NAV3: variants seen among roughly 807,000 people sequenced by gnomAD.
The protein encoded by NAV3 is neuron navigator 3.
In NAV3, 87 loss-of-function variants were observed where a neutral mutation model predicts 244.7. The observed-to-expected ratio is 0.36, with a 90% CI of 0.30 to 0.42. The LOEUF (loss-of-function observed/expected upper bound fraction) is 0.42, where lower values mean the gene tolerates loss of function less well. Among genes scored for constraint, NAV3 ranks in the 20% least tolerant of loss-of-function variants. NAV3 has a pLI of 1.00. For synonymous variants in NAV3, 1,126 were observed against 1,042.2 expected, an observed-to-expected ratio of 1.08 and a Z score of -1.55; for missense variants, 2,663 against 2,893.3, an observed-to-expected ratio of 0.92 and a Z score of 1.83.
intron 6 of NAV3, among the ~76,000 whole-genome samples, chr12:77,997,578 C>G (rs190273477): frequency 1.3e-5 from 2 of 152,178 alleles, no homozygotes; most frequent in Non-Finnish European, 2.9e-5. Flanking sequence ...GCTATTGTCA[C>G]TACATGTAAG....
intron 2 of NAV3, among the ~76,000 whole-genome samples, chr12:77,622,852 TCTGGTGTCTAA>T (rs1206708133): frequency 6.6e-6 from 1 of 152,188 alleles, no homozygotes; most frequent in Non-Finnish European, 1.5e-5. Flanking sequence ...AAGGACATTA[TCTGGTGTCTAA>T]AACACTATTG....
intron 1 of NAV3, among the ~76,000 whole-genome samples, chr12:77,860,663 C>T (rs1285363780): frequency 1.3e-5 from 2 of 151,778 alleles, no homozygotes; most frequent in East Asian, 3.9e-4. Context: ...GATAATATTT[C>T]CTTTTTGTTT....
intron 2 of NAV3, among the ~76,000 whole-genome samples, chr12:77,744,738 GC>G (rs1374290519): frequency 6.6e-6 from 1 of 151,528 alleles, no homozygotes; most frequent in Non-Finnish European, 1.5e-5. Context: ...TAGGTTCTTT[GC>G]CATAGTCTTT....
chr12:78,208,326 C>A (rs1430152561), intron 39 of NAV3, among the ~76,000 whole-genome samples: 3 of 152,124 alleles, frequency 2.0e-5, no homozygotes, highest in Non-Finnish European at 2.9e-5. Flanking sequence ...GAATCCACCC[C>A]CATGATTCAA....
chr12:77,826,466 TG>T (rs1873016593), upstream of NAV3, among the ~76,000 whole-genome samples: 1 of 152,122 alleles, frequency 6.6e-6, no homozygotes, highest in Non-Finnish European at 1.5e-5. Context: ...CACTCCAGCC[TG>T]GGTGACAGAG....
rs556069696 is a variant in NAV3 at position 77,904,227 on chromosome 12, C to A, written c.244-36092C>A. On this transcript the variant is annotated intron_variant, in intron 1 of 39. Coordinates refer to ENST00000397909, the MANE Select transcript of NAV3 (RefSeq NM_001024383.2). ...TATTGTGGCACTATTCACAATAGCACAGACTTGGAACCAAGCCAAATGTCC... is the reference window on the plus strand; with the variant it reads ...TATTGTGGCACTATTCACAATAGCAAAGACTTGGAACCAAGCCAAATGTCC... 4.4e-3 allele frequency among the ~76,000 whole-genome samples: 664 copies of A among 152,196 alleles called. 7 individuals carry two copies. Among genetic ancestry groups the A allele is most frequent in the African/African-American group, 0.015 (619 of 41,526 alleles).
Position 78,127,225 on chromosome 12 carries a change from G to A in NAV3, c.4280+17G>A, listed in dbSNP as rs780835914. On this transcript the variant is annotated intron_variant, in intron 17 of 39. Transcript: ENST00000397909. Reference sequence around the variant, plus strand: ...GGGACTAAGGTATATATTCCTCTCAGCACAATTGCTACCTCTCTGTTGTTA... The same window carrying A: ...GGGACTAAGGTATATATTCCTCTCAACACAATTGCTACCTCTCTGTTGTTA... 1.2e-6 allele frequency: 2 copies of A among 1,609,952 alleles called. No individual in the cohort carries two copies. The highest frequency in any genetic ancestry group is 1.1e-5 in the South Asian group (1 of 90,648).
At chr12:78,136,726 A>G (rs989207990) in intron 18 of NAV3, among the ~76,000 whole-genome samples, 13 of 152,300 alleles carry the variant, frequency 8.5e-5, no homozygotes, top group African/African-American at 3.1e-4. Context: ...AGTGACTGAG[A>G]GTATTTGCCT....
intron 2 of NAV3, among the ~76,000 whole-genome samples, chr12:77,714,797 C>G (rs897735092): frequency 4.6e-5 from 7 of 152,012 alleles, no homozygotes; most frequent in African/African-American, 1.7e-4. Context: ...GTATCTCTAA[C>G]AATTTGGGAA....
intron 9 of NAV3, among the ~76,000 whole-genome samples, chr12:78,042,829 A>C (rs1881105455): frequency 6.6e-6 from 1 of 152,146 alleles, no homozygotes; most frequent in Admixed American, 6.6e-5. Context: ...CCTCTAGTTT[A>C]TTCCCCAGAT....
At chr12:77,866,144 G>GA (rs1230842555) in intron 1 of NAV3, among the ~76,000 whole-genome samples, 1 of 151,948 alleles carries the variant, frequency 6.6e-6, no homozygotes, top group Admixed American at 6.6e-5. Flanking sequence ...ATCTACAACA[G>GA]AAAAATAATT....
chr12:78,195,933 C>T (rs1013795391), intron 34 of NAV3, among the ~76,000 whole-genome samples: 20 of 152,008 alleles, frequency 1.3e-4, no homozygotes, highest in African/African-American at 4.8e-4. Flanking sequence ...CGGAAAAGTA[C>T]TTGATGCAGT....
chr12:77,985,616 C>G (rs1870368267), intron 5 of NAV3, among the ~76,000 whole-genome samples: 1 of 151,306 alleles, frequency 6.6e-6, no homozygotes, highest in Non-Finnish European at 1.5e-5. Context: ...ATTTTCTTTT[C>G]ATACACTACA....
At chr12:77,817,501 G>A (rs903008751) in intron 2 of NAV3, among the ~76,000 whole-genome samples, 1 of 150,032 alleles carries the variant, frequency 6.7e-6, no homozygotes. Flanking sequence ...AAAATGCTCT[G>A]CCAAGTTCTT....
At chr12:78,077,303 C>T (rs1036596935) in intron 12 of NAV3, among the ~76,000 whole-genome samples, 4 of 152,120 alleles carry the variant, frequency 2.6e-5, no homozygotes, top group Non-Finnish European at 4.4e-5. Context: ...CAGCTTGATT[C>T]TTATCTGGGC....
intron 1 of NAV3, among the ~76,000 whole-genome samples, chr12:77,833,103 C>T (rs1050469826): frequency 1.3e-5 from 2 of 152,172 alleles, no homozygotes; most frequent in African/African-American, 4.8e-5. Flanking sequence ...TATCCCTTCC[C>T]CACCATTCCT....
chr12:78,045,476 G>A (rs1200208154), intron 9 of NAV3, among the ~76,000 whole-genome samples: 1 of 152,102 alleles, frequency 6.6e-6, no homozygotes. Context: ...TGTATTTTTA[G>A]TAGAGATGGG....
chr12:77,625,762 T>A (rs912972296), intron 2 of NAV3, among the ~76,000 whole-genome samples: 2 of 152,180 alleles, frequency 1.3e-5, no homozygotes, highest in Admixed American at 6.6e-5. Flanking sequence ...AGTATCCTAC[T>A]CAACCAACAC....
In NAV3 at chr12:77,723,755, C is replaced by CTTTTTTTTTTTTTTTTTTTTT. The variant is rs34518266; in HGVS notation, c.72+151492_72+151512dup. On this transcript the variant is annotated intron_variant, in intron 2 of 8. Transcript: ENST00000550042. Reference sequence around the variant, plus strand: ...AGGAGTTTCTTCTTGGCAATCTTGACTTTTTTTTTTTTTTTTTTTTTTTAC... The same window carrying CTTTTTTTTTTTTTTTTTTTTT: ...AGGAGTTTCTTCTTGGCAATCTTGACTTTTTTTTTTTTTTTTTTTTTTTTTTTTTTTTTTTTTTTTTTTTAC... 3.5e-4 allele frequency among the ~76,000 whole-genome samples: 24 copies of CTTTTTTTTTTTTTTTTTTTTT among 67,646 alleles called. 3 individuals are homozygous for CTTTTTTTTTTTTTTTTTTTTT. Among genetic ancestry groups the CTTTTTTTTTTTTTTTTTTTTT allele is most frequent in the East Asian group, 1.6e-3 (3 of 1,900 alleles). 44.4% of individuals were successfully genotyped at this position (67,646 alleles called of 152,430 possible). A position where few individuals can be genotyped will look rare whatever the true frequency, so the allele number is the denominator to read the frequency against.
Sources: allele counts gnomAD v4.1 joint callset (sites outside exome capture counted in the v4.1 genomes callset), GRCh38; gene constraint gnomAD v4.1.1; transcripts MANE v1.5; gene names NCBI Gene and HGNC (gene_info 2026-07-23, HGNC 2026-07-21).